RTN1: variants seen among roughly 807,000 people sequenced by gnomAD.
RTN1 encodes the protein reticulon-1.
Under a neutral mutation model 65.5 loss-of-function variants are expected in RTN1, and 25 were observed. The ratio of observed to expected loss-of-function variants is 0.38; its 90% CI spans 0.28 to 0.53. RTN1 has a LOEUF of 0.53. Among genes scored for constraint, RTN1 ranks in the 20% least tolerant of loss-of-function variants. The pLI, the probability that RTN1 is intolerant of heterozygous loss-of-function variation, is 0.79. For missense variants in RTN1, 983 were observed against 1,025.4 expected (o/e 0.96, Z 0.57); for synonymous variants, 471 against 447.6 (o/e 1.05, Z -0.66).
In RTN1 at chr14:59,750,216, ATAT is replaced by A. The variant is rs1457954631; in HGVS notation, c.242-3738_242-3736del. Among the ~76,000 whole-genome samples, 29 of 52,058 alleles carry A rather than the reference ATAT, an allele frequency of 5.6e-4. 2 individuals are homozygous for A. In the Admixed American group the frequency reaches 9.1e-3, roughly 16 times the overall value. 34.2% of individuals were successfully genotyped at this position (52,058 alleles called of 152,430 possible). ...ATTATATCTATAATATATAATATAT[ATAT>A]TATATCTATAATATATATATTATAT... On this transcript the variant is annotated intron_variant, in intron 1 of 8. Transcript: ENST00000267484.
At chr14:59,708,057 C>G (rs929568167) in intron 3 of RTN1, among the ~76,000 whole-genome samples, 8 of 152,180 alleles carry the variant, frequency 5.3e-5, no homozygotes, top group African/African-American at 1.9e-4. Context: ...AGGAGCCAGT[C>G]TATTTAAAAA....
Position 59,794,973 on chromosome 14 carries a change from G to T in RTN1, c.242-48492C>A, listed in dbSNP as rs1017535363. On this transcript the variant is annotated intron_variant, in intron 1 of 8. Transcript: ENST00000267484. This position sits in a 1 kb window ranked among gnomAD's most constrained non-coding sequence, Gnocchi z 5.1. ...ATGTACCTTGAACTTTACACAGATT[G>T]TTTGATTTGGGTGCAATAATCTATC... 1.3e-5 allele frequency among the ~76,000 whole-genome samples: 2 copies of T among 152,126 alleles called. No homozygotes were observed. The highest frequency in any genetic ancestry group is 2.9e-5 in the Non-Finnish European group (2 of 68,006).
At chr14:59,730,388 T>C (rs1176769195) in intron 2 of RTN1, among the ~76,000 whole-genome samples, 1 of 152,162 alleles carries the variant, frequency 6.6e-6, no homozygotes, top group Non-Finnish European at 1.5e-5. Context: ...AATGGGTCAA[T>C]AGCCTAAATA....
Position 59,645,172 on chromosome 14 carries a change from G to A in RTN1, c.1766-37680C>T, listed in dbSNP as rs202013996. 1.0e-4 allele frequency among the ~76,000 whole-genome samples: 15 copies of A among 150,434 alleles called. No homozygotes were observed. In the East Asian group the frequency reaches 1.0e-3, roughly 10 times the overall value. On this transcript the variant is annotated intron_variant, in intron 3 of 8. Coordinates refer to ENST00000267484, the MANE Select transcript of RTN1 (RefSeq NM_021136.3). ...CTGACCAAGATTTACAACTACCCTC[G>A]CCAGTATGTTCAAGCTGGCAACAGA...
At chr14:59,704,942 G>T (rs1305089986) in intron 3 of RTN1, among the ~76,000 whole-genome samples, 5 of 152,124 alleles carry the variant, frequency 3.3e-5, no homozygotes, top group Non-Finnish European at 7.4e-5. Context: ...TAAGCAAAAA[G>T]CAGCTTTTAC....
At chr14:59,739,456 G>T (rs1047397005) in intron 2 of RTN1, among the ~76,000 whole-genome samples, 1 of 151,622 alleles carries the variant, frequency 6.6e-6, no homozygotes, top group Non-Finnish European at 1.5e-5. Flanking sequence ...CATGGGAATC[G>T]CTTGAACCCG....
At chr14:59,630,843 G>A (rs1882536340) in intron 3 of RTN1, 1 of 1,002,966 alleles carries the variant, frequency 1.0e-6, no homozygotes, top group Non-Finnish European at 1.2e-6. Flanking sequence ...GCGGACAGTG[G>A]GTGGGAGGTT....
intron 3 of RTN1, among the ~76,000 whole-genome samples, chr14:59,700,254 T>C (rs1884149554): frequency 6.6e-6 from 1 of 152,144 alleles, no homozygotes; most frequent in African/African-American, 2.4e-5. Flanking sequence ...AATGAAAAGA[T>C]TTCTTATGTT....
At chr14:59,844,424 T>C (rs1384775260) in intron 1 of RTN1, among the ~76,000 whole-genome samples, 3 of 152,190 alleles carry the variant, frequency 2.0e-5, no homozygotes. Flanking sequence ...CTTTAAAAGG[T>C]TACTCTGACA....
intron 1 of RTN1, among the ~76,000 whole-genome samples, chr14:59,785,960 A>G (rs1886242141): frequency 6.6e-6 from 1 of 152,226 alleles, no homozygotes; most frequent in South Asian, 2.1e-4. Context: ...CCATCCATAA[A>G]AGCAGTTCCT....
At chr14:59,835,019 GA>G (rs1355574735) in intron 1 of RTN1, among the ~76,000 whole-genome samples, 1 of 152,152 alleles carries the variant, frequency 6.6e-6, no homozygotes, top group South Asian at 2.1e-4. Flanking sequence ...CAAGAAAATT[GA>G]AAGCAGATGT....
Position 59,849,622 on chromosome 14 carries a change from T to C in RTN1, c.241+20768A>G. Among the ~76,000 whole-genome samples the C allele has an allele frequency of 6.6e-6, 1 of 152,192 alleles. No homozygotes were observed. The highest frequency in any genetic ancestry group is 1.5e-5 in the Non-Finnish European group (1 of 68,030). ...TTCATTCAGCTGGGGGTGAGAAAGCTTTGGGTGGCCCTGTACAGAACCCCA... is the reference window on the plus strand; with the variant it reads ...TTCATTCAGCTGGGGGTGAGAAAGCCTTGGGTGGCCCTGTACAGAACCCCA... On this transcript the variant is annotated intron_variant, in intron 1 of 8. Coordinates refer to ENST00000267484, the MANE Select transcript of RTN1 (RefSeq NM_021136.3). This position sits in a 1 kb window ranked among gnomAD's most constrained non-coding sequence, Gnocchi z 4.5.
chr14:59,646,265 AAAT>A (rs1882894507), intron 3 of RTN1, among the ~76,000 whole-genome samples: 1 of 152,232 alleles, frequency 6.6e-6, no homozygotes, highest in South Asian at 2.1e-4. Context: ...GATAAAGAAA[AAAT>A]AATGAAAAGG....
intron 2 of RTN1, among the ~76,000 whole-genome samples, chr14:59,730,047 C>T (rs189336518): frequency 3.3e-5 from 5 of 152,280 alleles, no homozygotes; most frequent in Admixed American, 2.6e-4. Context: ...CATCATTTGT[C>T]GGTTTTCTTG....
At chr14:59,855,220 A>T (rs1887583353) in intron 1 of RTN1, among the ~76,000 whole-genome samples, 1 of 152,078 alleles carries the variant, frequency 6.6e-6, no homozygotes, top group Admixed American at 6.5e-5. Context: ...GGATTTTATT[A>T]TTTATCCCCT....
At chr14:59,630,564 A>C in intron 3 of RTN1, 1 of 1,607,684 alleles carries the variant, frequency 6.2e-7, no homozygotes, top group Non-Finnish European at 8.5e-7. Context: ...CGTGCACTCA[A>C]GCGTTGGTGC....
At chr14:59,738,375 T>C (rs1885044457) in intron 2 of RTN1, among the ~76,000 whole-genome samples, 1 of 152,196 alleles carries the variant, frequency 6.6e-6, no homozygotes, top group Non-Finnish European at 1.5e-5. Flanking sequence ...AAAGAAGATA[T>C]ACATGCAGAC....
chr14:59,708,572 A>G (rs1237151776), intron 3 of RTN1, among the ~76,000 whole-genome samples: 2 of 152,226 alleles, frequency 1.3e-5, no homozygotes, highest in African/African-American at 4.8e-5. Context: ...GTCAGGCTCA[A>G]TAATATTTAT....
At chr14:59,663,070 TATAG>T (rs1003138279) in intron 3 of RTN1, among the ~76,000 whole-genome samples, 3 of 152,034 alleles carry the variant, frequency 2.0e-5, no homozygotes, top group Admixed American at 2.0e-4. Context: ...AAAACAGATA[TATAG>T]ACTAATGGAA....
Sources: gnomAD v4.1 joint callset for allele counts (sites outside exome capture counted in the v4.1 genomes callset) on GRCh38, gnomAD v4.1.1 for gene constraint, Gnocchi (gnomAD v3.1) non-coding constraint, MANE v1.5 for transcripts, NCBI Gene and HGNC (gene_info 2026-07-23, HGNC 2026-07-21) for gene names.